Variants in PYGB observed in about 807,000 individuals in gnomAD.
The protein encoded by PYGB is glycogen phosphorylase, brain form.
A neutral mutation model predicts 94.3 loss-of-function variants in PYGB; 82 were observed. The observed-to-expected ratio is 0.87, with a 90% CI of 0.73 to 1.04. The LOEUF is 1.04. PYGB is among the 50% of genes least tolerant of loss of function. PYGB has a pLI of 0.00. For missense variants in PYGB, 1,132 were observed against 1,158.2 expected (o/e 0.98, Z 0.33); for synonymous variants, 488 against 479.1 (o/e 1.02, Z -0.24).
chr20:25,276,785 G>A, intron 6 of PYGB, 28 bp downstream of exon 6: 1 of 1,595,450 alleles, frequency 6.3e-7, no homozygotes, highest in Non-Finnish European at 8.6e-7. Context: ...TGGCACCCTT[G>A]TGTCCATGTG....
intron 17 of PYGB, 92 bp downstream of exon 17, chr20:25,292,705 G>T: frequency 2.1e-6 from 3 of 1,445,156 alleles, no homozygotes; most frequent in Non-Finnish European, 2.8e-6. Flanking sequence ...GGCTCTTGGG[G>T]CCAGGCCACT....
chr20:25,292,593 C>T lies in PYGB; in HGVS notation c.2157C>T (p.Val719=), dbSNP rs199809129. The change falls in exon 17 of 20, where the codon GTC becomes GTT. Residue 719 remains valine, a synonymous_variant. Transcript: ENST00000216962. ...TCTTCGGCCTGCGGGTGGAGGATGTCGAGGCCTTGGACCGGAAAGGGTGCG... is the reference window on the plus strand; with the variant it reads ...TCTTCGGCCTGCGGGTGGAGGATGTTGAGGCCTTGGACCGGAAAGGGTGCG... The part of the protein sequence containing the change: ...LFIFGLRVED[V]EALDRKGYNA... The T allele has an allele frequency of 1.6e-5, 26 of 1,612,030 alleles. No individual in the cohort carries two copies. The highest frequency in any genetic ancestry group is 7.7e-5 in the South Asian group (7 of 91,072).
chr20:25,287,704 G>A (rs927691285), intron 14 of PYGB, among the ~76,000 whole-genome samples: 3 of 152,152 alleles, frequency 2.0e-5, no homozygotes, highest in African/African-American at 7.2e-5. Context: ...AGAGTGCGAG[G>A]CGCGGTAGCT....
chr20:25,257,335 C>T (rs1287074268), intron 1 of PYGB, among the ~76,000 whole-genome samples: 1 of 152,240 alleles, frequency 6.6e-6, no homozygotes, highest in Non-Finnish European at 1.5e-5. Context: ...CTGCAGAACC[C>T]TCGATGTCTG....
intron 12 of PYGB, 82 bp from the exon 13 acceptor site, chr20:25,283,094 C>T: frequency 2.5e-6 from 3 of 1,187,992 alleles, no homozygotes; most frequent in Non-Finnish European, 3.7e-6. Context: ...GCGTGGGCAA[C>T]AATGGGAGGA....
chr20:25,285,502 T>C (rs1348934781), intron 14 of PYGB: 1 of 151,802 alleles, frequency 6.6e-6, no homozygotes, highest in Admixed American at 6.6e-5. Flanking sequence ...TCGTCTTCTA[T>C]TGTTGGCCTT....
chr20:25,270,293 C>T (rs569110306), intron 3 of PYGB, among the ~76,000 whole-genome samples: 6 of 150,974 alleles, frequency 4.0e-5, no homozygotes, highest in Non-Finnish European at 5.9e-5. Flanking sequence ...GCTCCGCCTC[C>T]CGGTTTCACG....
chr20:25,290,392 A>AC (rs1046461380), intron 15 of PYGB, 89 bp from the exon 16 acceptor site: 64 of 1,504,628 alleles, frequency 4.3e-5, no homozygotes, highest in Middle Eastern at 2.3e-4. Context: ...CTCTAGCCTC[A>AC]CCCCCCTACA....
chr20:25,287,911 G>A (rs2088431593), intron 14 of PYGB, among the ~76,000 whole-genome samples: 1 of 151,816 alleles, frequency 6.6e-6, no homozygotes, highest in Non-Finnish European at 1.5e-5. Flanking sequence ...AACCTGGAAG[G>A]TAGAGGCTGC....
At chr20:25,258,506 C>A (rs190532080) in intron 1 of PYGB, among the ~76,000 whole-genome samples, 2 of 152,318 alleles carry the variant, frequency 1.3e-5, no homozygotes, top group East Asian at 3.9e-4. Context: ...GGAGTTGTGC[C>A]CACTGATCTT....
chr20:25,261,577 TCTC>T (rs1404801355), intron 2 of PYGB, among the ~76,000 whole-genome samples: 12 of 152,158 alleles, frequency 7.9e-5, no homozygotes, highest in Non-Finnish European at 1.5e-4. Flanking sequence ...GAGTGCCTCT[TCTC>T]CTCCAAAGGA....
intron 3 of PYGB, among the ~76,000 whole-genome samples, chr20:25,270,005 C>T (rs1169952759): frequency 6.6e-6 from 1 of 152,120 alleles, no homozygotes; most frequent in African/African-American, 2.4e-5. Context: ...GCACTGAGCC[C>T]GCCATGGCTT....
In PYGB at chr20:25,280,911, C is replaced by G. The variant is rs199842776; in HGVS notation, c.1240-38C>G. 5.0e-6 allele frequency: 8 copies of G among 1,607,084 alleles called. No individual in the cohort carries two copies. In the East Asian group the frequency reaches 1.8e-4, roughly 36 times the overall value. On this transcript the variant is annotated intron_variant, in intron 10 of 19. Coordinates refer to ENST00000216962, the MANE Select transcript of PYGB (RefSeq NM_002862.4). ...GGAGTGCTGGGTCTCCGTGGGGCCT[C>G]CTGTGCCCACCCACCTGCCTCTGTG...
chr20:25,283,263 G>T lies in PYGB; in HGVS notation c.1606G>T (p.Ala536Ser). 1 of 1,613,498 alleles carries T rather than the reference G, an allele frequency of 6.2e-7. No individual in the cohort carries two copies. The highest frequency in any genetic ancestry group is 8.5e-7 in the Non-Finnish European group (1 of 1,179,696). Residue 536 changes from alanine (A) to serine (S), a missense_variant, in exon 13 of 20, where the codon GCC becomes TCC. By Grantham distance (99) the Ala-to-Ser change is moderately conservative (BLOSUM62 1). Coordinates refer to ENST00000216962, the MANE Select transcript of PYGB (RefSeq NM_002862.4). Reference sequence around the variant, plus strand: ...TGACGAGGTGTTCATCAGGGACGTGGCCAAGGTCAAACAGGTAGGCATGGC... The same window carrying T: ...TGACGAGGTGTTCATCAGGGACGTGTCCAAGGTCAAACAGGTAGGCATGGC... ...VSDEVFIRDV[A>S]KVKQENKLKF...
chr20:25,274,480 TTTCAGTG>T, intron 4 of PYGB, 105 bp from the exon 5 acceptor site: 1 of 1,396,896 alleles, frequency 7.2e-7, no homozygotes, highest in Admixed American at 2.7e-5. Context: ...TGTAGGTAAA[TTTCAGTG>T]CCAGGCACTG....
intron 1 of PYGB, among the ~76,000 whole-genome samples, chr20:25,252,122 C>G (rs548963058): frequency 2.6e-5 from 4 of 152,224 alleles, no homozygotes; most frequent in African/African-American, 9.6e-5. Flanking sequence ...TCCCTGACAG[C>G]AGATCGCTCA....
chr20:25,250,778 C>A (rs921464671), intron 1 of PYGB, among the ~76,000 whole-genome samples: 35 of 152,066 alleles, frequency 2.3e-4, no homozygotes, highest in African/African-American at 8.5e-4. Flanking sequence ...AAATAGAACG[C>A]TTTTATTGTT....
At chr20:25,294,588 T>C (rs1045508434) in intron 18 of PYGB, among the ~76,000 whole-genome samples, 2 of 151,994 alleles carry the variant, frequency 1.3e-5, no homozygotes, top group Non-Finnish European at 2.9e-5. Context: ...TGGTTGGAGG[T>C]CCCAGGGGCA....
At chr20:25,288,244 G>A (rs1481638136) in intron 14 of PYGB, 181 bp from the exon 15 acceptor site, 1 of 737,800 alleles carries the variant, frequency 1.4e-6, no homozygotes, top group South Asian at 1.4e-5. Flanking sequence ...CAGGTTCCTG[G>A]TGGGTGGGCA....
Sources: allele counts gnomAD v4.1 joint callset (sites outside exome capture counted in the v4.1 genomes callset), GRCh38; gene constraint gnomAD v4.1.1; transcripts MANE v1.5; gene names NCBI Gene and HGNC (gene_info 2026-07-23, HGNC 2026-07-21).